SCAF1: variants seen among roughly 807,000 people sequenced by gnomAD.
SCAF1 encodes the protein SR-related CTD associated factor 1.
A neutral mutation model predicts 91.2 loss-of-function variants in SCAF1; 28 were observed. That is an observed-to-expected ratio of 0.31 (90% CI 0.23 to 0.42). The LOEUF (loss-of-function observed/expected upper bound fraction) is 0.42, where lower values mean the gene tolerates loss of function less well. Among genes scored for constraint, SCAF1 ranks in the 10% least tolerant of loss-of-function variants. SCAF1 has a pLI of 1.00. For synonymous variants in SCAF1, 1,036 were observed against 833.7 expected, an observed-to-expected ratio of 1.24 and a Z score of -4.18; for missense variants, 1,893 against 1,872.1, an observed-to-expected ratio of 1.01 and a Z score of -0.21.
Position 49,645,465 on chromosome 19 carries a change from C to G in SCAF1, c.166+54C>G. 1.3e-6 allele frequency: 2 copies of G among 1,549,292 alleles called. No homozygotes were observed. Among genetic ancestry groups the G allele is most frequent in the Non-Finnish European group, 1.8e-6 (2 of 1,135,926 alleles). ...CCTGCCCCCTCTCTGCATTCTTTATCCTAATGTCATTCATACAAGCTTTTC... is the reference window on the plus strand; with the variant it reads ...CCTGCCCCCTCTCTGCATTCTTTATGCTAATGTCATTCATACAAGCTTTTC... On this transcript the variant is annotated intron_variant, in intron 3 of 10. Coordinates refer to ENST00000360565, the MANE Select transcript of SCAF1 (RefSeq NM_021228.3). The surrounding 1 kb of genome is among the most constrained non-coding windows in gnomAD (Gnocchi z 4.6).
In SCAF1 at chr19:49,652,325, C is replaced by T. The variant is rs1431508640; in HGVS notation, c.1936C>T (p.Arg646Trp). The T allele has an allele frequency of 1.1e-5, 17 of 1,534,256 alleles. No individual in the cohort carries two copies. The highest frequency in any genetic ancestry group is 2.0e-5 in the Admixed American group (1 of 49,290). ...TGGCGGCAGCAAGAAGAAGAAGAAG[C>T]GGTCGCGGTCCCGGGGTGAGAAGCG... is the stretch of plus-strand genomic sequence containing the variant. ...DGGGSKKKKK[R>W]SRSRGEKRSG... is the part of the protein sequence containing the mutation. Residue 646 changes from arginine (R) to tryptophan (W), a missense_variant, in exon 7 of 11, where the codon CGG becomes TGG. Arg to Trp is a moderately radical substitution (Grantham distance 101). Coordinates refer to ENST00000360565, the MANE Select transcript of SCAF1 (RefSeq NM_021228.3).
At position 49,651,631 on chromosome 19, in the gene SCAF1, CCGGG is replaced by C; in HGVS notation, c.1244_1247del (p.Arg415ProfsTer48). The stretch of plus-strand genomic sequence containing the variant: ...CGCTGTCCCTCTTCCGCCCCGGCGG[CCGGG>C]CCGCCCGGCCTACACCGGCCGCCTC... On this transcript the variant is annotated frameshift_variant, in exon 7 of 11. Coordinates refer to ENST00000360565, the MANE Select transcript of SCAF1 (RefSeq NM_021228.3). LOFTEE classifies it high-confidence loss of function. The C allele has an allele frequency of 6.9e-7, 1 of 1,445,964 alleles. No homozygotes were observed. The allele number at this position is 1,445,964 out of a possible 1,614,324, so 89.6% of individuals were successfully genotyped here.
At chr19:49,643,733 C>A (rs144323885) in intron 1 of SCAF1, among the ~76,000 whole-genome samples, 4 of 152,172 alleles carry the variant, frequency 2.6e-5, no homozygotes, top group Admixed American at 2.6e-4. Flanking sequence ...CCGGGAGGTG[C>A]TGGAGAGCAG....
intron 1 of SCAF1, 115 bp from the exon 2 acceptor site, chr19:49,644,906 C>CCGTATCATTAAAAAA: frequency 1.4e-6 from 1 of 705,160 alleles, no homozygotes; most frequent in South Asian, 1.8e-5. Context: ...AGGAGGGGTG[C>CCGTATCATTAAAAAA]CAGAGGGGAT....
At chr19:49,657,529 G>T (rs61464677) in intron 9 of SCAF1, among the ~76,000 whole-genome samples, 1 of 152,228 alleles carries the variant, frequency 6.6e-6, no homozygotes, top group South Asian at 2.1e-4. Context: ...GAGCAGCCCA[G>T]GGTTCGGCCT....
At chr19:49,640,969 G>T (rs569163155), upstream of SCAF1, among the ~76,000 whole-genome samples, 3 of 152,240 alleles carry the variant, frequency 2.0e-5, 1 homozygote, top group South Asian at 6.2e-4. Flanking sequence ...GGAGGAGGGT[G>T]TCAGGGAGGA....
At chr19:49,653,844 A>G in intron 7 of SCAF1, 139 bp downstream of exon 7, 1 of 807,612 alleles carries the variant, frequency 1.2e-6, no homozygotes, top group African/African-American at 1.8e-5. Flanking sequence ...GGGGTGAGTA[A>G]AGGCCAGCCA....
At position 49,646,862 on chromosome 19, in the gene SCAF1, G is replaced by A. The variant is rs1188519458; in HGVS notation, c.478+32G>A. 1.3e-6 allele frequency: 2 copies of A among 1,554,848 alleles called. No homozygotes were observed. The highest frequency in any genetic ancestry group is 8.8e-7 in the Non-Finnish European group (1 of 1,141,058). Reference sequence around the variant, plus strand: ...GGGGCCAGGGCGGAGCTGGGCAGGTGGTCGTGGAGTTGTGTGGGGATCGGC... The same window carrying A: ...GGGGCCAGGGCGGAGCTGGGCAGGTAGTCGTGGAGTTGTGTGGGGATCGGC... On this transcript the variant is annotated intron_variant, in intron 6 of 10. Coordinates refer to ENST00000360565, the MANE Select transcript of SCAF1 (RefSeq NM_021228.3). This position sits in a 1 kb window ranked among gnomAD's most constrained non-coding sequence, Gnocchi z 5.6.
intron 6 of SCAF1, among the ~76,000 whole-genome samples, chr19:49,649,564 C>T (rs759087715): frequency 1.8e-4 from 28 of 152,084 alleles, no homozygotes; most frequent in South Asian, 4.1e-4. Context: ...GGTACGATCT[C>T]GGCTCACTGC....
Position 49,651,028 on chromosome 19 carries a change from GC to G in SCAF1, c.644del (p.Pro215LeufsTer96). On this transcript the variant is annotated frameshift_variant, in exon 7 of 11. Transcript: ENST00000360565. LOFTEE classifies it high-confidence loss of function. ...CCCCTTCCCCTCCCCCACCCCCACCGCCCCCTGCACCCCCAGCCCCACCTGC... is the reference window on the plus strand; with the variant it reads ...CCCCTTCCCCTCCCCCACCCCCACCGCCCCTGCACCCCCAGCCCCACCTGC... ...SSPSPPPPPP[P>X]PAPPAPPAPR... 1 of 59,712 alleles carries G rather than the reference GC, an allele frequency of 1.7e-5. No homozygotes were observed. The allele number at this position is 59,712 out of a possible 1,614,324, so 3.7% of individuals were successfully genotyped here.
In SCAF1 at chr19:49,651,335, G is replaced by T; in HGVS notation, c.946G>T (p.Gly316Cys). 6.2e-7 allele frequency: 1 copy of T among 1,609,302 alleles called. No individual in the cohort carries two copies. Residue 316 changes from glycine to cysteine, a missense_variant, in exon 7 of 11, where the codon GGT (glycine) becomes TGT (cysteine). Physicochemically the swap from Gly to Cys is radical, Grantham distance 159. Transcript: ENST00000360565. ...CAACAGCCTGAGCCAGGACTTCCCA[G>T]GTGACGAGAGCCCCCGCCCGGACGC... Reference protein sequence around the residue: ...DDNSLSQDFPGDESPRPDAQP... With the variant: ...DDNSLSQDFPCDESPRPDAQP...
rs746204015 is a variant in SCAF1, at chr19:49,651,205, GGAGGAA to G, written c.825_830del (p.Glu281_Glu282del). ...CCCCCTCACCTGAGGAGGAAGAGGAGGAGGAAGAGGAAGAAGAAGAGGAAGAGGAAG... is the reference window on the plus strand; with the variant it reads ...CCCCCTCACCTGAGGAGGAAGAGGAGGAGGAAGAAGAAGAGGAAGAGGAAG... On this transcript the variant is annotated inframe_deletion, in exon 7 of 11. Transcript: ENST00000360565. 8.1e-6 allele frequency: 13 copies of G among 1,612,900 alleles called. No individual in the cohort carries two copies. Among genetic ancestry groups the G allele is most frequent in the Admixed American group, 6.7e-5 (4 of 59,952 alleles).
intron 6 of SCAF1, among the ~76,000 whole-genome samples, chr19:49,648,560 A>ACCCCC (rs59176255): frequency 1.7e-4 from 20 of 116,860 alleles, no homozygotes; most frequent in East Asian, 2.6e-4. Flanking sequence ...TGCCTGCCAC[A>ACCCCC]CCCCCCCCCC....
In SCAF1 at chr19:49,645,009, CT is replaced by C; in HGVS notation, c.-6-11del. ...GGACCTCCACTCCAAACTCTCCCCC[CT>C]GGACCCCCAGGTGACCATGGAGGAA... On this transcript the variant is annotated splice_polypyrimidine_tract_variant and intron_variant, in intron 1 of 10. Transcript: ENST00000360565. This position sits in a 1 kb window ranked among gnomAD's most constrained non-coding sequence, Gnocchi z 4.6. 5 of 1,602,876 alleles carry C rather than the reference CT, an allele frequency of 3.1e-6. No homozygotes were observed. The highest frequency in any genetic ancestry group is 3.4e-6 in the Non-Finnish European group (4 of 1,170,238).
At chr19:49,643,840 G>T (rs1465493589) in intron 1 of SCAF1, among the ~76,000 whole-genome samples, 1 of 152,202 alleles carries the variant, frequency 6.6e-6, no homozygotes, top group Non-Finnish European at 1.5e-5. Flanking sequence ...TAGGAAGTTA[G>T]GAATTAGGTG....
rs575708018 is a variant in SCAF1 at position 49,652,678 on chromosome 19, C to T, written c.2289C>T (p.Ser763=). The T allele has an allele frequency of 6.4e-7, 1 of 1,567,020 alleles. No homozygotes were observed. The highest frequency in any genetic ancestry group is 8.7e-7 in the Non-Finnish European group (1 of 1,156,012). ...GGGCCGCCTCCTCCTCCTCCTCTTCCCGGGAGAAGGGGTCTCGTCGGAAGG... is the reference window on the plus strand; with the variant it reads ...GGGCCGCCTCCTCCTCCTCCTCTTCTCGGGAGAAGGGGTCTCGTCGGAAGG... ...RSGAASSSSS[S]REKGSRRKAL... is the part of the protein sequence containing the mutation. Residue 763 remains serine (S), a synonymous_variant, in exon 7 of 11, where the codon TCC becomes TCT. Transcript: ENST00000360565.
Position 49,651,046 on chromosome 19 carries a change from C to T in SCAF1, c.657C>T (p.Ala219=). Residue 219 remains alanine (A), a synonymous_variant, in exon 7 of 11, where the codon GCC becomes GCT. Coordinates refer to ENST00000360565, the MANE Select transcript of SCAF1 (RefSeq NM_021228.3). ...CCCCACCGCCCCCTGCACCCCCAGC[C>T]CCACCTGCCCCCCGATTCGATATCT... ...PPPPPPPAPP[A]PPAPRFDIYD... The T allele has an allele frequency of 7.8e-7, 1 of 1,275,144 alleles. No individual in the cohort carries two copies. The highest frequency in any genetic ancestry group is 1.1e-6 in the Non-Finnish European group (1 of 939,660). The allele number at this position is 1,275,144 out of a possible 1,614,324, so 79.0% of individuals were successfully genotyped here.
chr19:49,654,595 G>T, intron 8 of SCAF1, 57 bp from the exon 9 acceptor site: 1 of 1,421,438 alleles, frequency 7.0e-7, no homozygotes. Flanking sequence ...TGGGGTGCAC[G>T]TCCCCTCTTC....
In SCAF1 at chr19:49,651,778, A is replaced by C; in HGVS notation, c.1389A>C (p.Leu463=). The C allele has an allele frequency of 2.0e-5, 25 of 1,255,146 alleles. No homozygotes were observed. The highest frequency in any genetic ancestry group is 1.2e-4 in the East Asian group (3 of 25,358). The allele number at this position is 1,255,146 out of a possible 1,614,324, so 77.8% of individuals were successfully genotyped here. ...GCGAGGGCGCCCTGCAGGTGGACCT[A>C]GGGGAGCCGGCTCCCGCGCCGCCCG... ...SDGEGALQVD[L]GEPAPAPPAA... The change falls in exon 7 of 11, where the codon CTA becomes CTC. Residue 463 remains leucine, a synonymous_variant. Transcript: ENST00000360565.
Sources: gnomAD v4.1 joint callset for allele counts (sites outside exome capture counted in the v4.1 genomes callset) on GRCh38, gnomAD v4.1.1 for gene constraint, Gnocchi (gnomAD v3.1) non-coding constraint, MANE v1.5 for transcripts, NCBI Gene and HGNC (gene_info 2026-07-23, HGNC 2026-07-21) for gene names.